The following EXOC4 variants were observed in gnomAD, a reference collection of about 807,000 sequenced individuals.
EXOC4 encodes exocyst complex component 4.
In EXOC4, 71 loss-of-function variants were observed where a neutral mutation model predicts 107.2. The ratio of observed to expected loss-of-function variants is 0.66; its 90% CI spans 0.55 to 0.81. The LOEUF (loss-of-function observed/expected upper bound fraction) is 0.81, where lower values mean the gene tolerates loss of function less well. Among genes scored for constraint, EXOC4 ranks in the 30% least tolerant of loss-of-function variants. EXOC4 has a pLI of 0.00. For synonymous variants in EXOC4, 456 were observed against 441.2 expected, an observed-to-expected ratio of 1.03 and a Z score of -0.42; for missense variants, 1,108 against 1,189.6, an observed-to-expected ratio of 0.93 and a Z score of 1.01.
intron 7 of EXOC4, among the ~76,000 whole-genome samples, chr7:133,403,575 G>A (rs1797142683): frequency 2.0e-5 from 3 of 152,148 alleles, no homozygotes. Context: ...GGGTGCTAAG[G>A]CAGCTGTATT....
chr7:133,846,022 C>CCACA (rs368335987), intron 11 of EXOC4, among the ~76,000 whole-genome samples: 1 of 151,288 alleles, frequency 6.6e-6, no homozygotes, highest in African/African-American at 2.4e-5. Flanking sequence ...TCACAGTCCC[C>CCACA]CACACACACA....
chr7:133,403,454 T>C (rs1459705263), intron 7 of EXOC4, among the ~76,000 whole-genome samples: 2 of 152,226 alleles, frequency 1.3e-5, no homozygotes, highest in Non-Finnish European at 2.9e-5. Flanking sequence ...CAGAACTTCC[T>C]TGTTGATTGT....
intron 14 of EXOC4, among the ~76,000 whole-genome samples, chr7:133,970,283 C>T (rs1355151613): frequency 2.0e-5 from 3 of 152,058 alleles, no homozygotes; most frequent in South Asian, 2.1e-4. Flanking sequence ...TGCTGGGCTC[C>T]GTGGGGGTGG....
intron 7 of EXOC4, among the ~76,000 whole-genome samples, chr7:133,402,092 C>G (rs1259308375): frequency 6.6e-6 from 1 of 152,120 alleles, no homozygotes; most frequent in Non-Finnish European, 1.5e-5. Flanking sequence ...TATGAGTTTT[C>G]TAGTGCTGTA....
chr7:133,337,417 A>T (rs1795542944), intron 5 of EXOC4, among the ~76,000 whole-genome samples: 1 of 151,494 alleles, frequency 6.6e-6, no homozygotes, highest in African/African-American at 2.4e-5. Context: ...TTTTCTTATA[A>T]TTTTTTCTGT....
At chr7:133,641,418 T>G (rs1401479031) in intron 10 of EXOC4, among the ~76,000 whole-genome samples, 2 of 140,384 alleles carry the variant, frequency 1.4e-5, no homozygotes, top group Non-Finnish European at 3.1e-5. Context: ...ATCTCTACAC[T>G]GTCCTGAGCA....
intron 10 of EXOC4, among the ~76,000 whole-genome samples, chr7:133,800,770 T>G (rs1470072922): frequency 1.3e-5 from 2 of 152,202 alleles, no homozygotes; most frequent in Non-Finnish European, 2.9e-5. Flanking sequence ...AACTTCAGTG[T>G]GGGTAGGCAG....
In EXOC4 at chr7:133,635,617, T is replaced by G. The variant is rs954923979; in HGVS notation, c.1514+5476T>G. Among the ~76,000 whole-genome samples the G allele has an allele frequency of 2.0e-5, 3 of 152,296 alleles. No individual in the cohort carries two copies. The East Asian group carries it at 5.8e-4, about 29-fold the overall frequency. On this transcript the variant is annotated intron_variant, in intron 10 of 17. Coordinates refer to ENST00000253861, the MANE Select transcript of EXOC4 (RefSeq NM_021807.4). ...GCTAAATTGAAACAAAGTCATGCCT[T>G]TGACAGGTGCACTTAGCACCTCATA...
At position 133,353,966 on chromosome 7, in the gene EXOC4, A is replaced by G. The variant is rs959243539; in HGVS notation, c.764-2364A>G. Among the ~76,000 whole-genome samples, 7 of 150,902 alleles carry G rather than the reference A, an allele frequency of 4.6e-5. No individual in the cohort carries two copies. In the South Asian group the frequency reaches 1.5e-3, roughly 32 times the overall value. On this transcript the variant is annotated intron_variant, in intron 5 of 17. Coordinates refer to ENST00000253861, the MANE Select transcript of EXOC4 (RefSeq NM_021807.4). ...AGCTCAAGAATTTCTTATTCTTTTT[A>G]TTTTTTTAGTTCTTATATCTCTTTA...
At chr7:133,725,367 T>C (rs1472931692) in intron 10 of EXOC4, among the ~76,000 whole-genome samples, 4 of 152,104 alleles carry the variant, frequency 2.6e-5, no homozygotes, top group African/African-American at 9.7e-5. Flanking sequence ...AGGGTTTACA[T>C]TTCCTTTTTC....
intron 17 of EXOC4, among the ~76,000 whole-genome samples, chr7:134,059,299 A>C (rs1796000638): frequency 6.6e-6 from 1 of 152,204 alleles, no homozygotes; most frequent in South Asian, 2.1e-4. Flanking sequence ...TTTTGCACTG[A>C]GTATGCCAAC....
the EXOC4 span, among the ~76,000 whole-genome samples, chr7:134,092,986 A>G: frequency 2.6e-5 from 4 of 152,070 alleles, no homozygotes; most frequent in Admixed American, 6.6e-5. Context: ...ACTTAAGTAC[A>G]TAGCCTACAG....
chr7:133,524,655 A>G (rs546374308), intron 9 of EXOC4, among the ~76,000 whole-genome samples: 122 of 152,048 alleles, frequency 8.0e-4, no homozygotes, highest in Non-Finnish European at 1.6e-3. Flanking sequence ...AGCTTTCTAC[A>G]TATGGCTAGC....
intron 11 of EXOC4, among the ~76,000 whole-genome samples, chr7:133,882,403 C>T (rs1312118503): frequency 6.6e-6 from 1 of 152,154 alleles, no homozygotes; most frequent in Non-Finnish European, 1.5e-5. Flanking sequence ...ATAGGATGTA[C>T]TTAACTTTAC....
At chr7:133,572,181 A>G (rs912328741) in intron 9 of EXOC4, among the ~76,000 whole-genome samples, 2 of 152,200 alleles carry the variant, frequency 1.3e-5, no homozygotes, top group African/African-American at 4.8e-5. Flanking sequence ...AAAGGAGGCA[A>G]TTATTTGGAT....
intron 9 of EXOC4, among the ~76,000 whole-genome samples, chr7:133,575,696 T>C (rs1371568484): frequency 3.3e-5 from 5 of 152,184 alleles, no homozygotes; most frequent in African/African-American, 1.2e-4. Context: ...TAAATCATAG[T>C]GGTGCCTCTC....
At chr7:133,275,295 G>GGAGAT in intron 2 of EXOC4, 124 bp downstream of exon 2, 1 of 772,364 alleles carries the variant, frequency 1.3e-6, no homozygotes, top group Non-Finnish European at 1.9e-6. Context: ...CCACTTTTCA[G>GGAGAT]GAGTTCTGCA....
At chr7:133,274,329 C>T (rs1793940547) in intron 1 of EXOC4, among the ~76,000 whole-genome samples, 1 of 152,180 alleles carries the variant, frequency 6.6e-6, no homozygotes, top group Admixed American at 6.5e-5. Flanking sequence ...GTAATTGTAT[C>T]AGTTACTGTG....
At chr7:133,890,513 A>C (rs553952386) in intron 11 of EXOC4, among the ~76,000 whole-genome samples, 8 of 141,950 alleles carry the variant, frequency 5.6e-5, no homozygotes, top group African/African-American at 2.3e-4. Flanking sequence ...CTATGTCCTG[A>C]ATGGTAATTT....
Sources: allele counts gnomAD v4.1 joint callset (sites outside exome capture counted in the v4.1 genomes callset), GRCh38; gene constraint gnomAD v4.1.1; transcripts MANE v1.5; gene names NCBI Gene and HGNC (gene_info 2026-07-23, HGNC 2026-07-21).